VCPIP1: variants seen among roughly 807,000 people sequenced by gnomAD.
VCPIP1 encodes the protein deubiquitinating protein VCPIP1.
In VCPIP1, 8 loss-of-function variants were observed where a neutral mutation model predicts 85.0. The observed-to-expected ratio is 0.09, with a 90% CI of 0.06 to 0.17. The LOEUF (loss-of-function observed/expected upper bound fraction) is 0.17, where lower values mean the gene tolerates loss of function less well. Ranked by LOEUF, VCPIP1 falls within the 10% of genes least tolerant of loss-of-function variation. The pLI, the probability that VCPIP1 is intolerant of heterozygous loss-of-function variation, is 1.00. For synonymous variants in VCPIP1, 543 were observed against 544.5 expected, an observed-to-expected ratio of 1.00 and a Z score of 0.04; for missense variants, 1,070 against 1,486.3, an observed-to-expected ratio of 0.72 and a Z score of 4.61.
At position 66,630,472 on chromosome 8, in the gene VCPIP1, G is replaced by A. The variant is rs1810823267; in HGVS notation, c.*4029C>T. On this transcript the variant is annotated 3_prime_UTR_variant, in exon 3 of 3. Transcript: ENST00000310421. The stretch of plus-strand genomic sequence containing the variant: ...CATTGCTCTACCACAGGCATAATAA[G>A]GGCTCAGGACGAGATTTCTGCATTC... The A allele has an allele frequency of 6.6e-6, 1 of 152,508 alleles. No homozygotes were observed. The highest frequency in any genetic ancestry group is 2.1e-4 in the South Asian group (1 of 4,828). 9.4% of individuals were successfully genotyped at this position (152,508 alleles called of 1,614,324 possible).
chr8:66,629,426 T>G lies in VCPIP1; in HGVS notation c.*5075A>C, dbSNP rs1810812002. ...CGTTATTTAGTACTATTATCTGTAT[T>G]TCCTTTCATTTCCTTATCACTAACC... On this transcript the variant is annotated 3_prime_UTR_variant, in exon 3 of 3. Transcript: ENST00000310421. The G allele has an allele frequency of 6.6e-6, 1 of 152,204 alleles. No individual in the cohort carries two copies. Among genetic ancestry groups the G allele is most frequent in the Admixed American group, 6.5e-5 (1 of 15,272 alleles). The allele number at this position is 152,204 out of a possible 1,614,324, so 9.4% of individuals were successfully genotyped here.
At chr8:66,641,063 C>T (rs987419534) in intron 2 of VCPIP1, among the ~76,000 whole-genome samples, 1 of 152,216 alleles carries the variant, frequency 6.6e-6, no homozygotes, top group Non-Finnish European at 1.5e-5. Flanking sequence ...GATGCTGCTG[C>T]AGGGCCGCAC....
chr8:66,638,275 G>A (rs1360423021), intron 2 of VCPIP1, among the ~76,000 whole-genome samples: 1 of 152,072 alleles, frequency 6.6e-6, no homozygotes, highest in East Asian at 1.9e-4. Flanking sequence ...TTGACTACTT[G>A]AGCCTAAGAG....
At chr8:66,644,316 A>G (rs548560054) in intron 2 of VCPIP1, among the ~76,000 whole-genome samples, 9 of 152,336 alleles carry the variant, frequency 5.9e-5, no homozygotes, top group African/African-American at 2.2e-4. Context: ...TCCTGAACAC[A>G]ATCACAAAAA....
At chr8:66,656,609 CATTT>C (rs1418248782) in intron 1 of VCPIP1, among the ~76,000 whole-genome samples, 1 of 151,580 alleles carries the variant, frequency 6.6e-6, no homozygotes, top group African/African-American at 2.4e-5. Flanking sequence ...TTTATTTATT[CATTT>C]ATTTATTTAT....
intron 1 of VCPIP1, among the ~76,000 whole-genome samples, chr8:66,652,483 G>A (rs1026592859): frequency 1.3e-5 from 2 of 152,060 alleles, no homozygotes; most frequent in Non-Finnish European, 1.5e-5. Context: ...ACGTGGTGGC[G>A]TGCACCTGTA....
chr8:66,635,572 CT>C, intron 2 of VCPIP1, among the ~76,000 whole-genome samples, 200 bp from the exon 3 acceptor site: 1 of 152,120 alleles, frequency 6.6e-6, no homozygotes. Context: ...CCCAGAGAAT[CT>C]TTTTTAAAAA....
intron 2 of VCPIP1, among the ~76,000 whole-genome samples, chr8:66,638,970 C>CTCTCTCTCTCTCTCTCTCTCTATATA: frequency 1.7e-5 from 2 of 118,434 alleles, no homozygotes; most frequent in South Asian, 5.5e-4. Context: ...CTCTCTCTCT[C>CTCTCTCTCTCTCTCTCTCTCTATATA]TATATATATA....
chr8:66,643,496 A>G (rs1043862402), intron 2 of VCPIP1, among the ~76,000 whole-genome samples: 4 of 151,640 alleles, frequency 2.6e-5, no homozygotes, highest in African/African-American at 4.8e-5. Flanking sequence ...AAGGCCAGGA[A>G]TTCAAGACTG....
rs771412126 is a variant in VCPIP1, at chr8:66,666,907, G to C, written c.52C>G (p.Pro18Ala). 14 of 1,595,274 alleles carry C rather than the reference G, an allele frequency of 8.8e-6. No individual in the cohort carries two copies. The Admixed American group carries it at 1.5e-4, about 17-fold the overall frequency. ...PPPLPPPPPPPEAPQTPSSLA... is the reference protein window; with the variant it reads ...PPPLPPPPPPAEAPQTPSSLA... ...GACGACGGAGTCTGTGGAGCCTCAG[G>C]GGGAGGAGGTGGCGGCGGCAACGGA... The change falls in exon 1 of 3, where the codon CCT (proline) becomes GCT (alanine). Residue 18 changes from proline (P) to alanine (A), a missense_variant. By Grantham distance (27) the Pro-to-Ala change is conservative. Coordinates refer to ENST00000310421, the MANE Select transcript of VCPIP1 (RefSeq NM_025054.5). This position sits in a 1 kb window ranked among gnomAD's most constrained non-coding sequence, Gnocchi z 6.3.
chr8:66,656,873 TA>T (rs1443358363), intron 1 of VCPIP1, among the ~76,000 whole-genome samples: 20,132 of 151,516 alleles, frequency 0.13, 3,165 homozygotes, highest in African/African-American at 0.38. Context: ...CCTACCAAAG[TA>T]GGCCTGGGAT....
chr8:66,642,539 T>G (rs1403579849), intron 2 of VCPIP1, among the ~76,000 whole-genome samples: 1 of 152,210 alleles, frequency 6.6e-6, no homozygotes, highest in African/African-American at 2.4e-5. Context: ...GTTTTCTAGT[T>G]TTAGCAGGTA....
In VCPIP1 at chr8:66,634,615, T is replaced by G. The variant is rs1324455764; in HGVS notation, c.3555A>C (p.Ala1185=). ...GTGCTTTTGACCTTGTGGCAAAGGCTGCTCCCAGTGCATCTGCTACACAGC... is the reference window on the plus strand; with the variant it reads ...GTGCTTTTGACCTTGTGGCAAAGGCGGCTCCCAGTGCATCTGCTACACAGC... The part of the protein sequence containing the change: ...TDGCVADALG[A]AFATRSKAQR... Residue 1185 remains alanine (A), a synonymous_variant, in exon 3 of 3, where the codon GCA becomes GCC. Transcript: ENST00000310421. 2.5e-6 allele frequency: 4 copies of G among 1,614,110 alleles called. No homozygotes were observed. The highest frequency in any genetic ancestry group is 3.4e-6 in the Non-Finnish European group (4 of 1,180,046).
chr8:66,648,526 A>AATCTAATCTATCT (rs947784198), intron 2 of VCPIP1, among the ~76,000 whole-genome samples: 16 of 144,662 alleles, frequency 1.1e-4, no homozygotes, highest in African/African-American at 3.6e-4. Flanking sequence ...CTATGTATCT[A>AATCTAATCTATCT]ATCTATCTAT....
rs1811221275 is a variant in VCPIP1 at position 66,666,908 on chromosome 8, G to A, written c.51C>T (p.Pro17=). Residue 17 remains proline, a synonymous_variant, in exon 1 of 3, where the codon CCC becomes CCT. Transcript: ENST00000310421. This position sits in a 1 kb window ranked among gnomAD's most constrained non-coding sequence, Gnocchi z 6.3. ...ACGACGGAGTCTGTGGAGCCTCAGGGGGAGGAGGTGGCGGCGGCAACGGAG... is the reference window on the plus strand; with the variant it reads ...ACGACGGAGTCTGTGGAGCCTCAGGAGGAGGAGGTGGCGGCGGCAACGGAG... ...PPPPLPPPPP[P]PEAPQTPSSL... 2 of 1,595,114 alleles carry A rather than the reference G, an allele frequency of 1.3e-6. No homozygotes were observed. The highest frequency in any genetic ancestry group is 1.9e-5 in the Admixed American group (1 of 53,412).
At chr8:66,648,504 C>T (rs1328954517) in intron 2 of VCPIP1, among the ~76,000 whole-genome samples, 3 of 151,836 alleles carry the variant, frequency 2.0e-5, no homozygotes, top group Admixed American at 1.3e-4. Flanking sequence ...TCTAATCTAT[C>T]CAATGTATCA....
intron 2 of VCPIP1, among the ~76,000 whole-genome samples, chr8:66,648,086 A>C (rs796684951): frequency 6.6e-6 from 1 of 151,970 alleles, no homozygotes; most frequent in Non-Finnish European, 1.5e-5. Flanking sequence ...TGTGAGCCAC[A>C]GTACCTGGCC....
chr8:66,656,329 G>A (rs1342389182), intron 1 of VCPIP1, among the ~76,000 whole-genome samples: 1 of 152,050 alleles, frequency 6.6e-6, no homozygotes, highest in African/African-American at 2.4e-5. Context: ...TGAGTAGCTA[G>A]GACTACAGGC....
At position 66,634,457 on chromosome 8, in the gene VCPIP1, C is replaced by A. The variant is rs1218366668; in HGVS notation, c.*44G>T. ...TACGTGGCCCAGCCAACAAATATTA[C>A]ATATTCACAATAAACATTCTGCCTT... On this transcript the variant is annotated 3_prime_UTR_variant, in exon 3 of 3. Transcript: ENST00000310421. 2 of 1,525,714 alleles carry A rather than the reference C, an allele frequency of 1.3e-6. No individual in the cohort carries two copies. The allele number at this position is 1,525,714 out of a possible 1,614,324, so 94.5% of individuals were successfully genotyped here. A position where few individuals can be genotyped will look rare whatever the true frequency, so the allele number is the denominator to read the frequency against.
Sources: gnomAD v4.1 joint callset for allele counts (sites outside exome capture counted in the v4.1 genomes callset) on GRCh38, gnomAD v4.1.1 for gene constraint, Gnocchi (gnomAD v3.1) non-coding constraint, MANE v1.5 for transcripts, NCBI Gene and HGNC (gene_info 2026-07-23, HGNC 2026-07-21) for gene names.